Variants in NTRK3 observed in about 807,000 individuals in gnomAD.
NTRK3 encodes the protein NT-3 growth factor receptor.
Under a neutral mutation model 91.7 loss-of-function variants are expected in NTRK3, and 24 were observed. The ratio of observed to expected loss-of-function variants is 0.26; its 90% CI spans 0.19 to 0.37. The LOEUF (loss-of-function observed/expected upper bound fraction) is 0.37. NTRK3 is among the 10% of genes least tolerant of loss of function. The pLI is 1.00. For synonymous variants in NTRK3, 483 were observed against 404.0 expected (o/e 1.20, Z -2.34); for missense variants, 880 against 1,068.9 (o/e 0.82, Z 2.46).
rs936007113 is a variant in NTRK3, at chr15:88,158,853, CAA to C, written c.396-11452_396-11451del. Among the ~76,000 whole-genome samples, 6 of 151,764 alleles carry C rather than the reference CAA, an allele frequency of 4.0e-5. No individual in the cohort carries two copies. The South Asian group carries it at 1.3e-3, about 32-fold the overall frequency. ...CCAGCACATGATGTGCTGATGTGCC[CAA>C]GACATCACACTCATTTTTACTCAAG... On this transcript the variant is annotated intron_variant, in intron 5 of 18. Coordinates refer to ENST00000394480, the Ensembl canonical transcript of NTRK3.
chr15:88,180,628 C>T (rs2151586033), intron 5 of NTRK3, among the ~76,000 whole-genome samples: 1 of 149,912 alleles, frequency 6.7e-6, no homozygotes, highest in South Asian at 2.2e-4. Flanking sequence ...ATATCACTTC[C>T]TACTTCTTAT....
At chr15:87,952,458 G>T (rs1254632643) in intron 14 of NTRK3, among the ~76,000 whole-genome samples, 1 of 152,076 alleles carries the variant, frequency 6.6e-6, no homozygotes, top group Admixed American at 6.5e-5. Context: ...TCCCTCAGGT[G>T]TGCAGTGGAG....
intron 13 of NTRK3, among the ~76,000 whole-genome samples, chr15:88,041,291 T>G (rs28452100): frequency 0.02 from 3,082 of 152,272 alleles, 97 homozygotes; most frequent in African/African-American, 0.07. Flanking sequence ...TACTCCTTCC[T>G]TTACACTTGT....
At chr15:88,002,418 C>T (rs942532253) in intron 14 of NTRK3, among the ~76,000 whole-genome samples, 5 of 151,848 alleles carry the variant, frequency 3.3e-5, no homozygotes, top group East Asian at 3.9e-4. Flanking sequence ...GTTTATGTGC[C>T]CCAGCCCTCA....
intron 14 of NTRK3, among the ~76,000 whole-genome samples, chr15:87,969,472 A>C (rs534061138): frequency 6.6e-6 from 1 of 152,348 alleles, no homozygotes; most frequent in Admixed American, 6.5e-5. Flanking sequence ...GTAGAGCTCA[A>C]CAGCATGTGA....
chr15:88,123,716 ACTGGAAGCAGGGGCTTCCAAGT>A (rs2052983286), intron 13 of NTRK3, among the ~76,000 whole-genome samples: 1 of 152,232 alleles, frequency 6.6e-6, no homozygotes, highest in African/African-American at 2.4e-5. Context: ...AGGCAGGACA[ACTGGAAGCAGGGGCTTCCAAGT>A]CATAGGCATA....
chr15:88,151,334 G>C (rs1454601564), intron 5 of NTRK3, among the ~76,000 whole-genome samples: 1 of 152,118 alleles, frequency 6.6e-6, no homozygotes, highest in African/African-American at 2.4e-5. Flanking sequence ...TGGCTACTGG[G>C]TGCTCCGGGA....
chr15:88,087,143 G>T (rs747942922), intron 13 of NTRK3, among the ~76,000 whole-genome samples: 1 of 152,162 alleles, frequency 6.6e-6, no homozygotes, highest in Non-Finnish European at 1.5e-5. Context: ...AACAATTAAC[G>T]GTACACAGCA....
At position 88,250,679 on chromosome 15, in the gene NTRK3, G is replaced by A. The variant is rs367561353; in HGVS notation, c.248+5227C>T. Among the ~76,000 whole-genome samples the A allele has an allele frequency of 3.2e-4, 49 of 152,186 alleles. No individual in the cohort carries two copies. In the South Asian group the frequency reaches 0.01, roughly 32 times the overall value. ...TGGCCCAGCACCAAGAGAGAGCCAG[G>A]GGCTTCAGGACCACCTCTTCTGTCA... On this transcript the variant is annotated intron_variant, in intron 3 of 18. Coordinates refer to ENST00000394480, the Ensembl canonical transcript of NTRK3.
At chr15:87,952,035 G>A (rs2071156557) in intron 14 of NTRK3, among the ~76,000 whole-genome samples, 1 of 152,134 alleles carries the variant, frequency 6.6e-6, no homozygotes, top group South Asian at 2.1e-4. Flanking sequence ...GCTGAGGTGG[G>A]AGAATCGCTT....
chr15:88,018,144 C>T (rs1357781784), intron 14 of NTRK3, among the ~76,000 whole-genome samples: 1 of 152,228 alleles, frequency 6.6e-6, no homozygotes, highest in South Asian at 2.1e-4. Flanking sequence ...GCTCTTGCAT[C>T]ACCACCAATG....
At chr15:88,006,067 T>C (rs1363049201) in intron 14 of NTRK3, among the ~76,000 whole-genome samples, 1 of 152,186 alleles carries the variant, frequency 6.6e-6, no homozygotes, top group Non-Finnish European at 1.5e-5. Context: ...ATCAGAACAC[T>C]TGTAATTTAC....
At chr15:88,081,431 C>T (rs563673513) in intron 13 of NTRK3, among the ~76,000 whole-genome samples, 4 of 152,298 alleles carry the variant, frequency 2.6e-5, no homozygotes, top group South Asian at 2.1e-4. Flanking sequence ...TCCCACTGAC[C>T]GACCATGTTT....
At chr15:88,238,486 G>A (rs546727107) in intron 3 of NTRK3, among the ~76,000 whole-genome samples, 7 of 152,114 alleles carry the variant, frequency 4.6e-5, no homozygotes, top group African/African-American at 1.4e-4. Context: ...TACAGGTAAA[G>A]TTAAGAGCCC....
At chr15:87,881,317 C>T (rs1434732896) in intron 17 of NTRK3, among the ~76,000 whole-genome samples, 1 of 152,162 alleles carries the variant, frequency 6.6e-6, no homozygotes, top group African/African-American at 2.4e-5. Flanking sequence ...ACATGGAACT[C>T]ATTGTTAAAA....
intron 6 of NTRK3, 131 bp downstream of exon 6, chr15:88,147,203 GT>G: frequency 1.2e-6 from 1 of 828,758 alleles, no homozygotes; most frequent in Non-Finnish European, 2.0e-6. Context: ...TACACTCTGT[GT>G]CAACCAACCC....
At chr15:88,169,707 G>T (rs1465402610) in intron 5 of NTRK3, among the ~76,000 whole-genome samples, 7 of 152,164 alleles carry the variant, frequency 4.6e-5, no homozygotes, top group Admixed American at 4.6e-4. Flanking sequence ...GGTCTAGTGG[G>T]TCCCACAGGC....
chr15:88,181,952 G>A lies in NTRK3; in HGVS notation c.395+1466C>T, dbSNP rs183632462. ...GCTTTTTCCCTTAGGATGTTTTACAGTGAAACTCAAACCCCCAATAAAATA... is the reference window on the plus strand; with the variant it reads ...GCTTTTTCCCTTAGGATGTTTTACAATGAAACTCAAACCCCCAATAAAATA... On this transcript the variant is annotated intron_variant, in intron 5 of 18. Coordinates refer to ENST00000394480, the Ensembl canonical transcript of NTRK3. Among the ~76,000 whole-genome samples, 338 of 152,314 alleles carry A rather than the reference G, an allele frequency of 2.2e-3. 3 individuals are homozygous for A. Among genetic ancestry groups the A allele is most frequent in the African/African-American group, 7.6e-3 (315 of 41,566 alleles).
chr15:88,032,660 C>T (rs530341476), intron 14 of NTRK3, among the ~76,000 whole-genome samples, 197 bp downstream of exon 14: 5 of 152,210 alleles, frequency 3.3e-5, no homozygotes, highest in Admixed American at 2.0e-4. Flanking sequence ...GGACCCCCTT[C>T]GCAGAGGACT....
Sources: gnomAD v4.1 joint callset for allele counts (sites outside exome capture counted in the v4.1 genomes callset) on GRCh38, gnomAD v4.1.1 for gene constraint, MANE v1.5 for transcripts, NCBI Gene and HGNC (gene_info 2026-07-23, HGNC 2026-07-21) for gene names.